Variants in ARFIP1 observed in about 807,000 individuals in gnomAD.
The protein encoded by ARFIP1 is ARF interacting protein 1, also known as arfaptin-1.
A neutral mutation model predicts 42.5 loss-of-function variants in ARFIP1; 24 were observed. The observed-to-expected ratio is 0.57, with a 90% CI of 0.41 to 0.80. ARFIP1 has a LOEUF of 0.80. Among genes scored for constraint, ARFIP1 ranks in the 30% least tolerant of loss-of-function variants. The probability of loss-of-function intolerance (pLI) is 0.00; values close to 1 mark genes in which losing one functional copy is unlikely to be tolerated. For missense variants in ARFIP1, 354 were observed against 434.0 expected (o/e 0.82, Z 1.64); for synonymous variants, 141 against 153.7 (o/e 0.92, Z 0.61).
chr4:152,818,488 C>T (rs189730771), intron 1 of ARFIP1, among the ~76,000 whole-genome samples: 195 of 152,342 alleles, frequency 1.3e-3, no homozygotes, highest in Non-Finnish European at 1.7e-3. Context: ...CATTCCCTAT[C>T]ACAGGGGACC....
At chr4:152,836,057 A>G (rs1244363736) in intron 2 of ARFIP1, among the ~76,000 whole-genome samples, 3 of 152,176 alleles carry the variant, frequency 2.0e-5, no homozygotes, top group Non-Finnish European at 4.4e-5. Flanking sequence ...TCCTAGCACC[A>G]TCTCCAACAT....
intron 1 of ARFIP1, among the ~76,000 whole-genome samples, chr4:152,804,093 A>T (rs191506811): frequency 0.23 from 17,861 of 78,916 alleles, 3,836 homozygotes; most frequent in Non-Finnish European, 0.29. Context: ...ATATAACGTA[A>T]TATATATTAT....
chr4:152,782,543 G>T (rs1465426295), intron 1 of ARFIP1, among the ~76,000 whole-genome samples: 2 of 152,166 alleles, frequency 1.3e-5, no homozygotes, highest in African/African-American at 4.8e-5. Context: ...ACTAGGCACA[G>T]TTCAGAGTAA....
chr4:152,780,307 C>G (rs1462137881), intron 1 of ARFIP1, 81 bp downstream of exon 1: 1 of 152,334 alleles, frequency 6.6e-6, no homozygotes, highest in Non-Finnish European at 1.5e-5. Flanking sequence ...ACGTTGCCTA[C>G]GGGTTCACCG....
chr4:152,860,842 A>G (rs572163594), intron 2 of ARFIP1, among the ~76,000 whole-genome samples: 3 of 152,364 alleles, frequency 2.0e-5, no homozygotes, highest in African/African-American at 7.2e-5. Context: ...AAGCAAAGAT[A>G]CTTATGACAG....
chr4:152,839,709 A>T (rs1731913041), intron 2 of ARFIP1, among the ~76,000 whole-genome samples: 1 of 151,824 alleles, frequency 6.6e-6, no homozygotes, highest in African/African-American at 2.4e-5. Context: ...TATCAATTTT[A>T]TTTATCTTTC....
chr4:152,827,466 A>G (rs1241735531), intron 1 of ARFIP1, among the ~76,000 whole-genome samples: 2 of 152,128 alleles, frequency 1.3e-5, no homozygotes, highest in Admixed American at 6.5e-5. Context: ...GGTGTTGTAC[A>G]TTCTGTGGAT....
chr4:152,839,333 T>C (rs543614739), intron 2 of ARFIP1, among the ~76,000 whole-genome samples: 1 of 152,350 alleles, frequency 6.6e-6, no homozygotes, highest in South Asian at 2.1e-4. Flanking sequence ...CTCTCTCTTA[T>C]GGAATAGTGT....
At position 152,824,386 on chromosome 4, in the gene ARFIP1, GCATATGCAAGTCAATAAATGTGATTCAT is replaced by G. The variant is rs1373983589; in HGVS notation, c.-9-5232_-9-5205del. ...TTTCCAGGGATTCAGAGATGGTTCA[GCATATGCAAGTCAATAAATGTGATTCAT>G]CATATGAACAGAATTAAAAACAAAA... On this transcript the variant is annotated intron_variant, in intron 1 of 8. Transcript: ENST00000353617. 5.3e-5 allele frequency among the ~76,000 whole-genome samples: 8 copies of G among 151,712 alleles called. No homozygotes were observed. The East Asian group carries it at 1.4e-3, about 26-fold the overall frequency.
At chr4:152,849,093 T>A (rs1732784718) in intron 2 of ARFIP1, among the ~76,000 whole-genome samples, 1 of 152,208 alleles carries the variant, frequency 6.6e-6, no homozygotes, top group Admixed American at 6.5e-5. Context: ...GGCTATACTT[T>A]TAATACTATT....
chr4:152,875,287 T>A (rs1275905172), intron 5 of ARFIP1, among the ~76,000 whole-genome samples: 1 of 151,714 alleles, frequency 6.6e-6, no homozygotes, highest in Non-Finnish European at 1.5e-5. Context: ...ACAGAAATAG[T>A]TGAAATAATA....
At chr4:152,895,466 A>C (rs1470556884) in intron 8 of ARFIP1, among the ~76,000 whole-genome samples, 1 of 147,292 alleles carries the variant, frequency 6.8e-6, no homozygotes, top group East Asian at 2.1e-4. Context: ...AGCTTACTGT[A>C]GTCTTGAACT....
rs556862705 is a variant in ARFIP1, at chr4:152,814,530, T to C, written c.-9-15095T>C. ...TTTGAGACCAGCCTGGGCAACATAA[T>C]AACACCCTGGTCTCTACAAAAAATT... On this transcript the variant is annotated intron_variant, in intron 1 of 8. Transcript: ENST00000353617. Among the ~76,000 whole-genome samples the C allele has an allele frequency of 9.2e-5, 14 of 152,188 alleles. No homozygotes were observed. In the East Asian group the frequency reaches 1.4e-3, roughly 15 times the overall value.
intron 2 of ARFIP1, among the ~76,000 whole-genome samples, chr4:152,848,405 A>T (rs1732730325): frequency 1.3e-5 from 2 of 152,188 alleles, no homozygotes; most frequent in African/African-American, 4.8e-5. Context: ...CAGGGAAGAG[A>T]TATTGTAATC....
intron 1 of ARFIP1, among the ~76,000 whole-genome samples, chr4:152,818,520 G>C (rs147302613): frequency 2.0e-5 from 3 of 152,316 alleles, no homozygotes; most frequent in African/African-American, 7.2e-5. Context: ...AACTCAGGCT[G>C]AGGTCACAGG....
chr4:152,821,120 C>T (rs1359378305), intron 1 of ARFIP1, among the ~76,000 whole-genome samples: 1 of 152,078 alleles, frequency 6.6e-6, no homozygotes, highest in Admixed American at 6.5e-5. Flanking sequence ...CACCACTTCT[C>T]CAGCAGTGGA....
intron 1 of ARFIP1, chr4:152,796,217 G>T: frequency 1.2e-6 from 1 of 830,906 alleles, no homozygotes; most frequent in Non-Finnish European, 2.1e-6. Context: ...ACCCAAAGTT[G>T]TATACAGCGG....
At chr4:152,783,126 T>G (rs1730601321) in intron 1 of ARFIP1, among the ~76,000 whole-genome samples, 1 of 152,006 alleles carries the variant, frequency 6.6e-6, no homozygotes, top group Non-Finnish European at 1.5e-5. Flanking sequence ...CTGGCCAACA[T>G]GGTGAAACCC....
intron 5 of ARFIP1, among the ~76,000 whole-genome samples, chr4:152,874,695 C>A (rs1240349098): frequency 6.6e-6 from 1 of 151,792 alleles, no homozygotes; most frequent in East Asian, 1.9e-4. Flanking sequence ...AGATAGGTCT[C>A]ACTCTGTCAC....
Sources: allele counts gnomAD v4.1 joint callset (sites outside exome capture counted in the v4.1 genomes callset), GRCh38; gene constraint gnomAD v4.1.1; transcripts MANE v1.5; gene names NCBI Gene and HGNC (gene_info 2026-07-23, HGNC 2026-07-21).